The following DNAH9 variants were observed in gnomAD, a reference collection of about 807,000 sequenced individuals.
The protein encoded by DNAH9 is DNAH9 variant protein.
A neutral mutation model predicts 471.6 loss-of-function variants in DNAH9; 345 were observed. That is an observed-to-expected ratio of 0.73 (90% CI 0.67 to 0.80). The LOEUF (loss-of-function observed/expected upper bound fraction) is 0.80. Ranked by LOEUF, DNAH9 falls within the 30% of genes least tolerant of loss-of-function variation. The pLI, the probability that DNAH9 is intolerant of heterozygous loss-of-function variation, is 0.00. For missense variants in DNAH9, 5,407 were observed against 5,609.2 expected (o/e 0.96, Z 1.15); for synonymous variants, 2,093 against 2,123.6 (o/e 0.99, Z 0.40).
chr17:11,868,824 G>A (rs538070748), intron 50 of DNAH9, among the ~76,000 whole-genome samples: 1 of 152,232 alleles, frequency 6.6e-6, no homozygotes, highest in South Asian at 2.1e-4. Context: ...ACACCTCGTA[G>A]CGTTCAACAC....
intron 52 of DNAH9, among the ~76,000 whole-genome samples, chr17:11,872,703 G>A (rs1457260388): frequency 6.6e-6 from 1 of 152,154 alleles, no homozygotes; most frequent in Non-Finnish European, 1.5e-5. Flanking sequence ...GGCGGATCAC[G>A]AGGTCAGGAG....
chr17:11,666,108 G>C (rs2073862235), intron 15 of DNAH9, among the ~76,000 whole-genome samples: 1 of 152,200 alleles, frequency 6.6e-6, no homozygotes, highest in African/African-American at 2.4e-5. Flanking sequence ...GAGCCTGGGA[G>C]CAACAAGCCA....
intron 21 of DNAH9, 124 bp downstream of exon 21, chr17:11,694,122 G>A: frequency 7.4e-7 from 1 of 1,347,018 alleles, no homozygotes; most frequent in Non-Finnish European, 1.0e-6. Context: ...TTGCCTGTGT[G>A]TTTGGGTAGC....
chr17:11,612,496 G>C (rs535274857), intron 4 of DNAH9: 8 of 152,386 alleles, frequency 5.2e-5, no homozygotes, highest in African/African-American at 1.9e-4. Context: ...CTGGAATTCA[G>C]GTCCCTCCAC....
In DNAH9 at chr17:11,845,416, T is replaced by C. The variant is rs557821045; in HGVS notation, c.9508-8587T>C. ...AATCCAGTCTATCATTTTTGGACAT[T>C]TGGGTTGGTTCCAAGTCTTTGCTAT... On this transcript the variant is annotated intron_variant, in intron 49 of 68. Transcript: ENST00000262442. 1.0e-3 allele frequency among the ~76,000 whole-genome samples: 158 copies of C among 150,874 alleles called. 2 individuals are homozygous for C. The highest frequency in any genetic ancestry group is 3.8e-3 in the African/African-American group (153 of 40,450).
At chr17:11,717,714 TAGAC>T (rs376694059) in intron 26 of DNAH9, among the ~76,000 whole-genome samples, 417 of 152,266 alleles carry the variant, frequency 2.7e-3, no homozygotes, top group African/African-American at 8.8e-3. Flanking sequence ...TTTTAGTAAA[TAGAC>T]AGAGTTGTGT....
intron 50 of DNAH9, among the ~76,000 whole-genome samples, chr17:11,855,300 A>G (rs531808240): frequency 3.9e-5 from 6 of 152,360 alleles, no homozygotes; most frequent in African/African-American, 1.4e-4. Flanking sequence ...GGTGTTACTT[A>G]TATAGGCAGA....
chr17:11,687,351 G>T (rs905052373), intron 19 of DNAH9, among the ~76,000 whole-genome samples: 1 of 152,178 alleles, frequency 6.6e-6, no homozygotes, highest in Non-Finnish European at 1.5e-5. Flanking sequence ...ATGCATAACT[G>T]TTATTCTGTT....
chr17:11,945,797 G>A (rs1230835750), intron 67 of DNAH9, among the ~76,000 whole-genome samples: 5 of 151,908 alleles, frequency 3.3e-5, no homozygotes, highest in Admixed American at 3.3e-4. Context: ...AGTGGCTCAC[G>A]CCTGTAATCC....
At position 11,664,929 on chromosome 17, in the gene DNAH9, G is replaced by A. The variant is rs2073839706; in HGVS notation, c.2692G>A (p.Ala898Thr). The A allele has an allele frequency of 6.2e-7, 1 of 1,613,188 alleles. No individual in the cohort carries two copies. Among genetic ancestry groups the A allele is most frequent in the Non-Finnish European group, 8.5e-7 (1 of 1,179,288 alleles). ...DNLLLNGFFL[A>T]IECSLKYLLE... ...TTTGTTGCTGAATGGATTCTTTCTTGCCATTGAGTGCTCCCTCAAGTATCT... is the reference window on the plus strand; with the variant it reads ...TTTGTTGCTGAATGGATTCTTTCTTACCATTGAGTGCTCCCTCAAGTATCT... The change falls in exon 15 of 69, where the codon GCC (alanine) becomes ACC (threonine). Residue 898 changes from alanine to threonine, a missense_variant. This residue lies in a region of DNAH9 where 4,636 missense variants were observed against 4,900.3 expected (regional missense o/e 0.95). Transcript: ENST00000262442.
At chr17:11,826,365 G>GT (rs879338456) in intron 48 of DNAH9, among the ~76,000 whole-genome samples, 1 of 150,634 alleles carries the variant, frequency 6.6e-6, no homozygotes, top group Non-Finnish European at 1.5e-5. Flanking sequence ...AGCTGGGGGG[G>GT]TAATTTTAGA....
At chr17:11,654,355 C>CAAAAAA (rs527835262) in intron 14 of DNAH9, among the ~76,000 whole-genome samples, 351 of 11,226 alleles carry the variant, frequency 0.031, 77 homozygotes, top group African/African-American at 0.042. Context: ...GACTCCGTCT[C>CAAAAAA]AAAAAAAAAA....
At chr17:11,752,142 A>T (rs1004112383) in intron 32 of DNAH9, among the ~76,000 whole-genome samples, 2 of 152,248 alleles carry the variant, frequency 1.3e-5, no homozygotes, top group Non-Finnish European at 2.9e-5. Context: ...GTTTAATATC[A>T]TAAAAATCAA....
intron 36 of DNAH9, among the ~76,000 whole-genome samples, chr17:11,765,701 GA>G (rs1418763240): frequency 3.3e-5 from 5 of 152,186 alleles, no homozygotes; most frequent in African/African-American, 1.2e-4. Context: ...GTAGTCTTTG[GA>G]GCTTCTCTGT....
intron 13 of DNAH9, 93 bp from the exon 14 acceptor site, chr17:11,652,668 G>A (rs887710431): frequency 1.9e-5 from 23 of 1,185,768 alleles, no homozygotes; most frequent in East Asian, 4.7e-5. Context: ...TATAACACTC[G>A]CAAGTATTAA....
chr17:11,762,251 A>G (rs1967709797), intron 35 of DNAH9, among the ~76,000 whole-genome samples: 1 of 152,190 alleles, frequency 6.6e-6, no homozygotes, highest in African/African-American at 2.4e-5. Context: ...ATGACTGTTA[A>G]GGTGTCCATT....
At chr17:11,603,963 C>T (rs1270964638) in intron 1 of DNAH9, among the ~76,000 whole-genome samples, 2 of 151,978 alleles carry the variant, frequency 1.3e-5, no homozygotes, top group Non-Finnish European at 2.9e-5. Flanking sequence ...AGGAACCAGT[C>T]TTCTGGTTTC....
At chr17:11,868,195 A>G (rs1454924200) in intron 50 of DNAH9, among the ~76,000 whole-genome samples, 1 of 152,186 alleles carries the variant, frequency 6.6e-6, no homozygotes, top group Non-Finnish European at 1.5e-5. Context: ...AGTCTTGGGA[A>G]GTGTAGGAGG....
intron 23 of DNAH9, 46 bp downstream of exon 23, chr17:11,699,929 T>C (rs1380164774): frequency 6.3e-7 from 1 of 1,597,976 alleles, no homozygotes; most frequent in Non-Finnish European, 8.6e-7. Flanking sequence ...CTCTCTCAAA[T>C]GCCTTCATTC....
Sources: allele counts gnomAD v4.1 joint callset (sites outside exome capture counted in the v4.1 genomes callset), GRCh38; gene constraint gnomAD v4.1.1; regional missense constraint gnomAD v4.1.1; transcripts MANE v1.5; gene names NCBI Gene and HGNC (gene_info 2026-07-23, HGNC 2026-07-21).